IQCM: variants seen among roughly 807,000 people sequenced by gnomAD.
The protein encoded by IQCM is IQ domain-containing protein M.
A neutral mutation model predicts 57.6 loss-of-function variants in IQCM; 45 were observed. The observed-to-expected ratio is 0.78, with a 90% CI of 0.62 to 1.00. IQCM has a LOEUF of 1.00. IQCM is among the 50% of genes least tolerant of loss of function. The probability of loss-of-function intolerance (pLI) is 0.00; values close to 1 mark genes in which losing one functional copy is unlikely to be tolerated. For missense variants in IQCM, 468 were observed against 511.6 expected (o/e 0.91, Z 0.82); for synonymous variants, 148 against 158.9 (o/e 0.93, Z 0.51).
intron 5 of IQCM, among the ~76,000 whole-genome samples, chr4:149,693,072 T>G (rs148597606): frequency 6.6e-6 from 1 of 152,312 alleles, no homozygotes; most frequent in African/African-American, 2.4e-5. Flanking sequence ...CTACTTACTA[T>G]GTGCTCCTCA....
At chr4:149,427,043 G>C (rs761198964) in intron 13 of IQCM, among the ~76,000 whole-genome samples, 3 of 151,800 alleles carry the variant, frequency 2.0e-5, no homozygotes, top group Admixed American at 1.3e-4. Context: ...TTTTATTTCA[G>C]ATACTGAGAG....
rs183435572 is a variant in IQCM, at chr4:149,563,746, C to T, written c.894G>A (p.Gln298=). The part of the protein sequence containing the change: ...PKLIRMVTVM[Q]AHVRGWLERK... The stretch of plus-strand genomic sequence containing the variant: ...GTTCAAGCCATCCCCTGACATGTGC[C>T]TGCATGACGGTGACCATTCTAATCA... Residue 298 remains glutamine (Q), a synonymous_variant, in exon 10 of 14, where the codon CAG becomes CAA. Transcript: ENST00000636793. 1,154 of 1,232,006 alleles carry T rather than the reference C, an allele frequency of 9.4e-4. 1 individual carries two copies. Among genetic ancestry groups the T allele is most frequent in the Middle Eastern group, 3.4e-3 (11 of 3,208 alleles). The allele number at this position is 1,232,006 out of a possible 1,614,324, so 76.3% of individuals were successfully genotyped here.
intron 2 of IQCM, among the ~76,000 whole-genome samples, chr4:149,794,487 A>G (rs1372692133): frequency 6.6e-6 from 1 of 152,226 alleles, no homozygotes; most frequent in Non-Finnish European, 1.5e-5. Flanking sequence ...TTCAGGGGAA[A>G]TAGATGAGTA....
intron 12 of IQCM, among the ~76,000 whole-genome samples, chr4:149,513,817 T>C (rs1158483717): frequency 6.6e-6 from 1 of 152,136 alleles, no homozygotes. Flanking sequence ...AAGAGGTCTC[T>C]GGAGAATTGT....
chr4:149,597,323 A>G (rs1445288953), intron 8 of IQCM, among the ~76,000 whole-genome samples: 1 of 152,160 alleles, frequency 6.6e-6, no homozygotes, highest in Admixed American at 6.6e-5. Flanking sequence ...AAGGACAATG[A>G]CAATTGAATG....
At chr4:149,366,184 A>G (rs1457806090) in intron 13 of IQCM, among the ~76,000 whole-genome samples, 1 of 152,064 alleles carries the variant, frequency 6.6e-6, no homozygotes, top group East Asian at 1.9e-4. Context: ...TTAAAGCAAA[A>G]TAACAGAAAT....
At chr4:149,506,786 A>G (rs1016080588) in intron 12 of IQCM, among the ~76,000 whole-genome samples, 2 of 152,122 alleles carry the variant, frequency 1.3e-5, no homozygotes, top group Non-Finnish European at 2.9e-5. Context: ...TCCCAATAAC[A>G]TCAGCCATTG....
chr4:149,627,089 C>G (rs537431717), intron 7 of IQCM, among the ~76,000 whole-genome samples: 1 of 152,234 alleles, frequency 6.6e-6, no homozygotes, highest in East Asian at 1.9e-4. Flanking sequence ...GCTTCAGCAG[C>G]AGTATTTGAT....
At chr4:149,663,269 T>C in intron 7 of IQCM, among the ~76,000 whole-genome samples, 1 of 150,756 alleles carries the variant, frequency 6.6e-6, no homozygotes, top group African/African-American at 2.4e-5. Context: ...TGGTATCTGT[T>C]GCTTTTTTTT....
intron 5 of IQCM, among the ~76,000 whole-genome samples, chr4:149,722,697 T>C (rs1024188254): frequency 2.0e-5 from 3 of 152,084 alleles, no homozygotes; most frequent in Non-Finnish European, 4.4e-5. Context: ...TATAGCTTTA[T>C]GGTATTATTT....
rs72953659 is a variant in IQCM, at chr4:149,363,117, T to C, written c.1391-11051A>G. On this transcript the variant is annotated intron_variant, in intron 13 of 13. Transcript: ENST00000636793. ...CTATCCTCTTAAACAATGTCCTGGG[T>C]TGCTGAGAGCACAGAGCATCAGTGC... Among the ~76,000 whole-genome samples, 1,186 of 152,308 alleles carry C rather than the reference T, an allele frequency of 7.8e-3. 13 individuals carry two copies. The highest frequency in any genetic ancestry group is 0.022 in the African/African-American group (918 of 41,564).
chr4:149,780,487 G>A (rs1771498560), intron 2 of IQCM, among the ~76,000 whole-genome samples: 1 of 151,752 alleles, frequency 6.6e-6, no homozygotes, highest in Admixed American at 6.6e-5. Flanking sequence ...CATGAACAAT[G>A]AGGAAATCCT....
Position 149,706,052 on chromosome 4 carries a change from C to T in IQCM, c.386-19584G>A, listed in dbSNP as rs188240489. ...CATGTCAAATCTAATTTTCCCATTG[C>T]TTTCATTGCAAAATAGGATATTCTT... On this transcript the variant is annotated intron_variant, in intron 5 of 13. Transcript: ENST00000636793. 1.5e-3 allele frequency among the ~76,000 whole-genome samples: 228 copies of T among 151,976 alleles called. 1 individual carries two copies. The highest frequency in any genetic ancestry group is 5.3e-3 in the African/African-American group (219 of 41,466).
intron 8 of IQCM, among the ~76,000 whole-genome samples, chr4:149,614,867 G>T (rs1345373817): frequency 6.6e-6 from 1 of 152,188 alleles, no homozygotes; most frequent in Non-Finnish European, 1.5e-5. Context: ...ATCCACAAGT[G>T]GCAGAGCTCC....
At chr4:149,726,629 T>C (rs761880992) in intron 5 of IQCM, among the ~76,000 whole-genome samples, 4 of 152,170 alleles carry the variant, frequency 2.6e-5, no homozygotes, top group Non-Finnish European at 4.4e-5. Context: ...TATACCTGTG[T>C]TGTCCAATAT....
chr4:149,517,710 C>A (rs543797351), intron 12 of IQCM, among the ~76,000 whole-genome samples: 1 of 152,168 alleles, frequency 6.6e-6, no homozygotes, highest in South Asian at 2.1e-4. Flanking sequence ...TGGGTGGGCA[C>A]CATCTAATTA....
chr4:149,418,465 A>G (rs1206061399), intron 13 of IQCM, among the ~76,000 whole-genome samples: 1 of 152,118 alleles, frequency 6.6e-6, no homozygotes, highest in Non-Finnish European at 1.5e-5. Context: ...ACCAAGGAAA[A>G]AACACGCAGG....
At chr4:149,663,994 T>C (rs898358085) in intron 7 of IQCM, among the ~76,000 whole-genome samples, 3 of 152,126 alleles carry the variant, frequency 2.0e-5, no homozygotes, top group Non-Finnish European at 2.9e-5. Context: ...CTAAGTCCCA[T>C]AGGCTTTCTT....
intron 12 of IQCM, among the ~76,000 whole-genome samples, chr4:149,516,113 T>C (rs1560938992): frequency 6.6e-6 from 1 of 152,138 alleles, no homozygotes; most frequent in Admixed American, 6.5e-5. Flanking sequence ...CCTATGGCCA[T>C]TGATTAGTGC....
Sources: gnomAD v4.1 joint callset for allele counts (sites outside exome capture counted in the v4.1 genomes callset) on GRCh38, gnomAD v4.1.1 for gene constraint, MANE v1.5 for transcripts, NCBI Gene and HGNC (gene_info 2026-07-23, HGNC 2026-07-21) for gene names.